Variants in SMYD4 observed in about 807,000 individuals in gnomAD.
SMYD4 encodes SET and MYND domain containing 4.
A neutral mutation model predicts 72.8 loss-of-function variants in SMYD4; 68 were observed. The ratio of observed to expected loss-of-function variants is 0.93; its 90% CI spans 0.77 to 1.14. The LOEUF is 1.14. Ranked by LOEUF, SMYD4 falls within the 50% of genes most tolerant of loss-of-function variation. SMYD4 has a pLI of 0.00. For missense variants in SMYD4, 984 were observed against 1,003.7 expected, an observed-to-expected ratio of 0.98 and a Z score of 0.27; for synonymous variants, 407 against 388.6, an observed-to-expected ratio of 1.05 and a Z score of -0.56.
In SMYD4 at chr17:1,827,964, A is replaced by G; in HGVS notation, c.31T>C (p.Tyr11His). Residue 11 changes from tyrosine (Y) to histidine (H), a missense_variant, in exon 2 of 11, where the codon TAT (tyrosine) becomes CAT (histidine). Transcript: ENST00000305513. MDLPVDEWKSYLLQKWASLPT... is the reference protein window; with the variant it reads MDLPVDEWKSHLLQKWASLPT... Reference sequence around the variant, plus strand: ...AGTGAAGCCCACTTTTGAAGCAGATATGATTTCCATTCATCCACAGGCAGA... The same window carrying G: ...AGTGAAGCCCACTTTTGAAGCAGATGTGATTTCCATTCATCCACAGGCAGA... 6.2e-7 allele frequency: 1 copy of G among 1,613,344 alleles called. No individual in the cohort carries two copies.
intron 2 of SMYD4, among the ~76,000 whole-genome samples, chr17:1,818,370 T>C (rs1448544556): frequency 1.3e-5 from 2 of 152,138 alleles, no homozygotes; most frequent in African/African-American, 4.8e-5. Flanking sequence ...CATCATTTTT[T>C]CTCTAAGCCA....
Position 1,787,535 on chromosome 17 carries a change from C to A in SMYD4, c.1607G>T (p.Ser536Ile). The change falls in exon 6 of 11, where the codon AGC becomes ATC. Residue 536 changes from serine to isoleucine, a missense_variant. Physicochemically the swap from Ser to Ile is moderately radical, Grantham distance 142. Coordinates refer to ENST00000305513, the MANE Select transcript of SMYD4 (RefSeq NM_052928.3). ...GGGGCTACAGGAGTGGTTCAGGAGG[C>A]TGATAACAGGGAAGATGCCTGTGGC... The part of the protein sequence containing the change: ...RLATGIFPVI[S>I]LLNHSCSPNT... 1 of 1,594,070 alleles carries A rather than the reference C, an allele frequency of 6.3e-7. No individual in the cohort carries two copies. The highest frequency in any genetic ancestry group is 1.3e-5 in the African/African-American group (1 of 74,750).
At chr17:1,814,935 G>A (rs533242846) in intron 2 of SMYD4, 1 of 152,144 alleles carries the variant, frequency 6.6e-6, no homozygotes, top group African/African-American at 2.4e-5. Flanking sequence ...CGCAGAGCTT[G>A]TTCTTTTTTC....
At chr17:1,804,042 A>G (rs539580827) in intron 4 of SMYD4, among the ~76,000 whole-genome samples, 25 of 150,368 alleles carry the variant, frequency 1.7e-4, no homozygotes, top group African/African-American at 5.1e-4. Context: ...TGCCCAGCTC[A>G]TTTTTTGTAT....
Position 1,812,017 on chromosome 17 carries a change from T to C in SMYD4, c.233A>G (p.Lys78Arg). ...TCCTGTGTAATCTTTCTCCTGAAAT[T>C]TTTTGTTTCCTTCTTCTCTGTAGAA... ...PLFYREEGNK[K>R]FQEKDYTGAA... Residue 78 changes from lysine to arginine, a missense_variant, in exon 3 of 11, where the codon AAA (lysine) becomes AGA (arginine). Transcript: ENST00000305513. 2 of 1,614,198 alleles carry C rather than the reference T, an allele frequency of 1.2e-6. No individual in the cohort carries two copies. Among genetic ancestry groups the C allele is most frequent in the Non-Finnish European group, 1.7e-6 (2 of 1,180,036 alleles).
chr17:1,818,027 A>G (rs1296749078), intron 2 of SMYD4, among the ~76,000 whole-genome samples: 2 of 136,956 alleles, frequency 1.5e-5, no homozygotes, highest in Non-Finnish European at 3.1e-5. Flanking sequence ...AGCCTGGGCG[A>G]TGGAGCAAGA....
intron 2 of SMYD4, among the ~76,000 whole-genome samples, chr17:1,815,854 C>CATGA (rs908735904): frequency 1.5e-4 from 23 of 151,994 alleles, no homozygotes; most frequent in Admixed American, 1.2e-3. Context: ...CACCTGCCAC[C>CATGA]ATGACCAGCT....
At position 1,783,167 on chromosome 17, in the gene SMYD4, A is replaced by T; in HGVS notation, c.2138-9T>A. 1 of 1,613,976 alleles carries T rather than the reference A, an allele frequency of 6.2e-7. No homozygotes were observed. Among genetic ancestry groups the T allele is most frequent in the Non-Finnish European group, 8.5e-7 (1 of 1,179,986 alleles). On this transcript the variant is annotated splice_polypyrimidine_tract_variant and intron_variant, in intron 9 of 10. Coordinates refer to ENST00000305513, the MANE Select transcript of SMYD4 (RefSeq NM_052928.3). ...TGACTTTTGCCAGTCTCCTGTGAGA[A>T]GAGAAAAATCTTGTTCCAGAAAAGA... is the stretch of plus-strand genomic sequence containing the variant.
chr17:1,811,370 A>G (rs1287981481), intron 3 of SMYD4, among the ~76,000 whole-genome samples: 5 of 152,128 alleles, frequency 3.3e-5, no homozygotes, highest in Non-Finnish European at 7.4e-5. Flanking sequence ...GTGTGTGGAG[A>G]AGGGGTCTCC....
chr17:1,814,059 C>A (rs989502619), intron 2 of SMYD4, among the ~76,000 whole-genome samples: 5 of 152,114 alleles, frequency 3.3e-5, no homozygotes, highest in Admixed American at 2.0e-4. Flanking sequence ...GCCTGTAATT[C>A]CAGCACTTTG....
In SMYD4 at chr17:1,821,489, G is replaced by A. The variant is rs146151061; in HGVS notation, c.134+6372C>T. On this transcript the variant is annotated intron_variant, in intron 2 of 10. Coordinates refer to ENST00000305513, the MANE Select transcript of SMYD4 (RefSeq NM_052928.3). ...AGACGGCACTATTGCACTCCAGGCT[G>A]GGTGACAAGAGCGAAACTCTGTCTC... Among the ~76,000 whole-genome samples the A allele has an allele frequency of 1.9e-3, 288 of 152,236 alleles. 2 individuals carry two copies. The highest frequency in any genetic ancestry group is 6.5e-3 in the African/African-American group (270 of 41,548).
intron 7 of SMYD4, among the ~76,000 whole-genome samples, chr17:1,784,897 G>A (rs1676647813): frequency 6.6e-6 from 1 of 151,566 alleles, no homozygotes; most frequent in South Asian, 2.1e-4. Context: ...AGTCTCCCGA[G>A]TAGCTGGGAC....
chr17:1,813,388 C>T (rs1304522211), intron 2 of SMYD4, among the ~76,000 whole-genome samples: 1 of 152,012 alleles, frequency 6.6e-6, no homozygotes, highest in African/African-American at 2.4e-5. Flanking sequence ...AACGTTAACA[C>T]TTGCGAAATT....
At chr17:1,808,553 C>G (rs552649514) in intron 3 of SMYD4, among the ~76,000 whole-genome samples, 7 of 151,962 alleles carry the variant, frequency 4.6e-5, no homozygotes, top group African/African-American at 7.3e-5. Flanking sequence ...TACAATCAGA[C>G]AAAAACAACA....
At chr17:1,788,371 T>A (rs1224685140) in intron 5 of SMYD4, among the ~76,000 whole-genome samples, 1 of 151,954 alleles carries the variant, frequency 6.6e-6, no homozygotes, top group African/African-American at 2.4e-5. Flanking sequence ...AATAAAAATT[T>A]AAAAAAAGTT....
In SMYD4 at chr17:1,781,268, C is replaced by A; in HGVS notation, c.*18G>T. On this transcript the variant is annotated 3_prime_UTR_variant, in exon 11 of 11. Coordinates refer to ENST00000305513, the MANE Select transcript of SMYD4 (RefSeq NM_052928.3). ...TTCCATGGGCTCCTTTTCTGTGGGTCAAAATCCTCCTGGAACCCTACAATG... is the reference window on the plus strand; with the variant it reads ...TTCCATGGGCTCCTTTTCTGTGGGTAAAAATCCTCCTGGAACCCTACAATG... 1.2e-6 allele frequency: 2 copies of A among 1,604,888 alleles called. No homozygotes were observed. Among genetic ancestry groups the A allele is most frequent in the South Asian group, 1.1e-5 (1 of 89,834 alleles).
intron 5 of SMYD4, among the ~76,000 whole-genome samples, chr17:1,795,039 G>T (rs1326099071): frequency 6.6e-6 from 1 of 152,070 alleles, no homozygotes. Flanking sequence ...TTTATCCAGG[G>T]TTTCTACATC....
chr17:1,785,293 G>A (rs1908606135), intron 7 of SMYD4, among the ~76,000 whole-genome samples: 1 of 150,120 alleles, frequency 6.7e-6, no homozygotes, highest in Non-Finnish European at 1.5e-5. Context: ...CATGGTGGTG[G>A]CGGGCGCCTG....
Position 1,829,796 on chromosome 17 carries a change from G to C in SMYD4, c.-83C>G. The C allele has an allele frequency of 4.1e-6, 1 of 242,032 alleles. No homozygotes were observed. 15.0% of individuals were successfully genotyped at this position (242,032 alleles called of 1,614,324 possible). A position where few individuals can be genotyped will look rare whatever the true frequency, so the allele number is the denominator to read the frequency against. On this transcript the variant is annotated 5_prime_UTR_variant, in exon 1 of 11. Coordinates refer to ENST00000305513, the MANE Select transcript of SMYD4 (RefSeq NM_052928.3). ...TCAGACGCGCCCGGAACTGCGCCCT[G>C]GTCTCCCTCCCAGCGCCCGCGCAGC...
Sources: gnomAD v4.1 joint callset for allele counts (sites outside exome capture counted in the v4.1 genomes callset) on GRCh38, gnomAD v4.1.1 for gene constraint, MANE v1.5 for transcripts, NCBI Gene and HGNC (gene_info 2026-07-23, HGNC 2026-07-21) for gene names.